Variants in TET1 observed in about 807,000 individuals in gnomAD.
The protein encoded by TET1 is methylcytosine dioxygenase TET1.
A neutral mutation model predicts 148.7 loss-of-function variants in TET1; 13 were observed. That is an observed-to-expected ratio of 0.09 (90% confidence interval 0.06 to 0.14). The LOEUF (loss-of-function observed/expected upper bound fraction) is 0.14, where lower values mean the gene tolerates loss of function less well. Among genes scored for constraint, TET1 ranks in the 10% least tolerant of loss-of-function variants. The pLI, the probability that TET1 is intolerant of heterozygous loss-of-function variation, is 1.00. For missense variants in TET1, 2,182 were observed against 2,553.8 expected (o/e 0.85, Z 3.14); for synonymous variants, 907 against 937.2 (o/e 0.97, Z 0.59).
At chr10:68,624,602 C>CTTTCTTTCTT (rs1554937995) in intron 3 of TET1, among the ~76,000 whole-genome samples, 2 of 113,850 alleles carry the variant, frequency 1.8e-5, no homozygotes, top group African/African-American at 6.6e-5. Context: ...TTTTCTTTTT[C>CTTTCTTTCTT]TCTTTCTTTC....
At chr10:68,583,351 C>T (rs989461496) in intron 2 of TET1, among the ~76,000 whole-genome samples, 2 of 152,120 alleles carry the variant, frequency 1.3e-5, no homozygotes, top group Non-Finnish European at 2.9e-5. Context: ...GAAAGCATCT[C>T]CTTTTGCATT....
chr10:68,642,782 T>G (rs1054536090), intron 3 of TET1, among the ~76,000 whole-genome samples: 4 of 152,124 alleles, frequency 2.6e-5, no homozygotes, highest in Non-Finnish European at 5.9e-5. Flanking sequence ...TTTTTGTATT[T>G]TTAGTAGATA....
intron 1 of TET1, among the ~76,000 whole-genome samples, chr10:68,564,062 G>A (rs1163660286): frequency 6.6e-6 from 1 of 151,966 alleles, no homozygotes; most frequent in African/African-American, 2.4e-5. Context: ...AAAGTTAGTT[G>A]GGTTATTATC....
At chr10:68,653,353 G>T (rs2054969013) in intron 6 of TET1, among the ~76,000 whole-genome samples, 1 of 152,112 alleles carries the variant, frequency 6.6e-6, no homozygotes, top group Admixed American at 6.5e-5. Flanking sequence ...TCTTTAATCA[G>T]CATGAGATTG....
chr10:68,599,172 C>T (rs2054023027), intron 2 of TET1, among the ~76,000 whole-genome samples: 1 of 152,262 alleles, frequency 6.6e-6, no homozygotes, highest in Non-Finnish European at 1.5e-5. Flanking sequence ...GGCCCTCACT[C>T]TGTTCCTGAT....
At chr10:68,661,196 ATTTTT>A (rs974912892) in intron 6 of TET1, among the ~76,000 whole-genome samples, 1 of 78,614 alleles carries the variant, frequency 1.3e-5, no homozygotes, top group African/African-American at 6.2e-5. Flanking sequence ...CGCCTGGCTA[ATTTTT>A]TTTTTTTTTT....
At chr10:68,676,195 GATATATATGTATATATATACAC>G (rs1564505897) in intron 8 of TET1, among the ~76,000 whole-genome samples, 1 of 127,078 alleles carries the variant, frequency 7.9e-6, no homozygotes, top group African/African-American at 3.1e-5. Context: ...GTATACACAA[GATATATATGTATATATATACAC>G]ATATATATGT....
chr10:68,589,982 T>C (rs1445577460), intron 2 of TET1, among the ~76,000 whole-genome samples: 1 of 152,152 alleles, frequency 6.6e-6, no homozygotes, highest in African/African-American at 2.4e-5. Flanking sequence ...TTCCAATTTT[T>C]ATATTAAATG....
intron 3 of TET1, among the ~76,000 whole-genome samples, chr10:68,608,861 A>T (rs531998396): frequency 6.8e-4 from 104 of 151,958 alleles, no homozygotes; most frequent in East Asian, 1.2e-3. Context: ...TTAAAAAAAA[A>T]TTTTTTTTAA....
intron 2 of TET1, among the ~76,000 whole-genome samples, chr10:68,592,512 C>T (rs1051003566): frequency 5.3e-5 from 8 of 152,068 alleles, no homozygotes; most frequent in South Asian, 2.1e-4. Context: ...CTAACGGGAA[C>T]GGTAGAGAAG....
Position 68,694,188 on chromosome 10 carries a change from A to G in TET1, c.*2374A>G. 4.3e-6 allele frequency: 1 copy of G among 232,746 alleles called. No homozygotes were observed. Among genetic ancestry groups the G allele is most frequent in the African/African-American group, 2.2e-5 (1 of 45,458 alleles). The allele number at this position is 232,746 out of a possible 1,614,324, so 14.4% of individuals were successfully genotyped here. ...CTTGTTGCAGTTTACCAAAACAAGTATTTGAAAATATATAGTATCAACTGA... is the reference window on the plus strand; with the variant it reads ...CTTGTTGCAGTTTACCAAAACAAGTGTTTGAAAATATATAGTATCAACTGA... On this transcript the variant is annotated 3_prime_UTR_variant, in exon 12 of 12. Transcript: ENST00000373644.
rs781475822 is a variant in TET1, at chr10:68,646,223, T to C, written c.3494T>C (p.Val1165Ala). The stretch of plus-strand genomic sequence containing the variant: ...GATCGGCGGAAAAAGAAGCCCACAG[T>C]TGTAAGTTATCAAGAAAATGATCGG... ...SRDRRKKKPT[V>A]VSYQENDRQK... The change falls in exon 4 of 12, where the codon GTT becomes GCT. Residue 1165 changes from valine (V) to alanine (A), a missense_variant. By Grantham distance (64) the Val-to-Ala change is moderately conservative. Around this residue, in one of 11 missense-constraint regions of TET1, gnomAD observed 582 missense variants for 599.5 expected, o/e 0.97. Transcript: ENST00000373644. 10 of 1,613,814 alleles carry C rather than the reference T, an allele frequency of 6.2e-6. No homozygotes were observed. Among genetic ancestry groups the C allele is most frequent in the Non-Finnish European group, 8.5e-6 (10 of 1,179,942 alleles).
At chr10:68,595,965 C>CATAT (rs2053978906) in intron 2 of TET1, among the ~76,000 whole-genome samples, 1 of 28,810 alleles carries the variant, frequency 3.5e-5, no homozygotes, top group Non-Finnish European at 6.4e-5. Context: ...TATATATACA[C>CATAT]ACACACACAC....
chr10:68,589,108 C>A (rs777243826), intron 2 of TET1, among the ~76,000 whole-genome samples: 2 of 151,750 alleles, frequency 1.3e-5, no homozygotes, highest in Admixed American at 6.6e-5. Flanking sequence ...GGGCAGAAGA[C>A]CCTTTCTCAA....
At chr10:68,563,850 T>G (rs1026162310) in intron 1 of TET1, among the ~76,000 whole-genome samples, 11 of 152,078 alleles carry the variant, frequency 7.2e-5, no homozygotes, top group African/African-American at 2.7e-4. Flanking sequence ...CCTGGCTAAT[T>G]TTTGTATTTT....
At chr10:68,680,838 A>G (rs905460237) in intron 8 of TET1, among the ~76,000 whole-genome samples, 1 of 152,036 alleles carries the variant, frequency 6.6e-6, no homozygotes, top group Non-Finnish European at 1.5e-5. Flanking sequence ...CATTTACTAA[A>G]CCTCTCAGTT....
chr10:68,566,046 A>C (rs527562982), intron 1 of TET1, among the ~76,000 whole-genome samples: 159 of 152,336 alleles, frequency 1.0e-3, no homozygotes, highest in African/African-American at 3.5e-3. Context: ...GATTATCTTA[A>C]TTACAAGTCT....
chr10:68,598,836 A>G (rs1589063603), intron 2 of TET1, among the ~76,000 whole-genome samples: 2 of 151,632 alleles, frequency 1.3e-5, no homozygotes, highest in Admixed American at 1.3e-4. Flanking sequence ...GATTACAGGC[A>G]CCCACCATCA....
At chr10:68,601,642 T>G (rs939262094) in intron 3 of TET1, among the ~76,000 whole-genome samples, 1 of 152,224 alleles carries the variant, frequency 6.6e-6, no homozygotes, top group Non-Finnish European at 1.5e-5. Flanking sequence ...CTAATTCAGT[T>G]ATAAGCTCAC....
Sources: gnomAD v4.1 joint callset for allele counts (sites outside exome capture counted in the v4.1 genomes callset) on GRCh38, gnomAD v4.1.1 for gene constraint, gnomAD v4.1.1 regional missense constraint, MANE v1.5 for transcripts, NCBI Gene and HGNC (gene_info 2026-07-23, HGNC 2026-07-21) for gene names.